The following GRID1 variants were observed in gnomAD, a reference collection of about 807,000 sequenced individuals.
GRID1 encodes glutamate ionotropic receptor delta type subunit 1.
Under a neutral mutation model 98.0 loss-of-function variants are expected in GRID1, and 28 were observed. The ratio of observed to expected loss-of-function variants is 0.29; its 90% CI spans 0.21 to 0.39. The LOEUF (loss-of-function observed/expected upper bound fraction) is 0.39, where lower values mean the gene tolerates loss of function less well. Among genes scored for constraint, GRID1 ranks in the 10% least tolerant of loss-of-function variants. The pLI is 1.00. For synonymous variants in GRID1, 553 were observed against 538.5 expected (o/e 1.03, Z -0.37); for missense variants, 1,111 against 1,340.5 (o/e 0.83, Z 2.67).
intron 4 of GRID1, among the ~76,000 whole-genome samples, chr10:86,045,394 C>T (rs1843408859): frequency 6.6e-6 from 1 of 152,170 alleles, no homozygotes; most frequent in African/African-American, 2.4e-5. Flanking sequence ...AATGGACATA[C>T]AATGTGTCGA....
At chr10:85,726,340 A>G (rs188750437) in intron 10 of GRID1, among the ~76,000 whole-genome samples, 4 of 152,292 alleles carry the variant, frequency 2.6e-5, no homozygotes, top group Non-Finnish European at 5.9e-5. Flanking sequence ...AGCCCAACAA[A>G]GGACAAGTTA....
intron 4 of GRID1, among the ~76,000 whole-genome samples, chr10:85,964,958 C>A (rs1842317772): frequency 6.6e-6 from 1 of 152,040 alleles, no homozygotes; most frequent in Non-Finnish European, 1.5e-5. Flanking sequence ...AAAACAACCC[C>A]ATCAAAAAGT....
chr10:85,951,950 C>T (rs2131844060), intron 4 of GRID1, among the ~76,000 whole-genome samples: 1 of 152,356 alleles, frequency 6.6e-6, no homozygotes, highest in African/African-American at 2.4e-5. Context: ...CATCCTCCAT[C>T]CCATCTCCCT....
intron 4 of GRID1, among the ~76,000 whole-genome samples, chr10:86,126,332 G>A (rs919603186): frequency 6.6e-6 from 1 of 152,220 alleles, no homozygotes; most frequent in Non-Finnish European, 1.5e-5. Context: ...GCACGCGCCT[G>A]TAATCCCAGC....
intron 2 of GRID1, among the ~76,000 whole-genome samples, chr10:86,299,197 C>CTTTT (rs58078110): frequency 7.1e-5 from 10 of 141,760 alleles, no homozygotes; most frequent in African/African-American, 7.9e-5. Context: ...AATAAGATTT[C>CTTTT]TTTTTTTTTT....
At chr10:85,887,806 T>C (rs1841138092) in intron 5 of GRID1, among the ~76,000 whole-genome samples, 1 of 152,186 alleles carries the variant, frequency 6.6e-6, no homozygotes. Context: ...TAGGATACAA[T>C]GTGTCTAGCC....
chr10:86,284,362 C>T (rs1159063476), intron 2 of GRID1, among the ~76,000 whole-genome samples: 1 of 152,186 alleles, frequency 6.6e-6, no homozygotes, highest in Non-Finnish European at 1.5e-5. Flanking sequence ...AATGGAGGCT[C>T]CTCTAGCAGC....
chr10:85,795,166 G>A (rs543756640), intron 8 of GRID1, among the ~76,000 whole-genome samples: 9 of 152,034 alleles, frequency 5.9e-5, no homozygotes, highest in Non-Finnish European at 8.8e-5. Flanking sequence ...GGACAGCCTC[G>A]CCACTCTGAA....
chr10:86,287,903 C>A (rs973669769), intron 2 of GRID1, among the ~76,000 whole-genome samples: 1 of 151,834 alleles, frequency 6.6e-6, no homozygotes, highest in Non-Finnish European at 1.5e-5. Flanking sequence ...GATGTACCCA[C>A]AAGACTCCAG....
chr10:86,136,920 T>C (rs1844935181), intron 4 of GRID1, among the ~76,000 whole-genome samples: 1 of 152,158 alleles, frequency 6.6e-6, no homozygotes, highest in Non-Finnish European at 1.5e-5. Context: ...GATTCCCATG[T>C]AACAAATCTG....
chr10:86,092,779 A>G (rs1844167747), intron 4 of GRID1, among the ~76,000 whole-genome samples: 1 of 152,208 alleles, frequency 6.6e-6, no homozygotes, highest in Admixed American at 6.5e-5. Flanking sequence ...CAGCAACACA[A>G]TAATAGTGGT....
At chr10:86,354,600 G>A (rs773096687) in intron 2 of GRID1, among the ~76,000 whole-genome samples, 11 of 152,248 alleles carry the variant, frequency 7.2e-5, no homozygotes, top group African/African-American at 2.7e-4. Context: ...GTCAGAGAGG[G>A]AATGCGATCT....
At chr10:85,663,017 T>A (rs967229519) in intron 12 of GRID1, among the ~76,000 whole-genome samples, 4 of 152,110 alleles carry the variant, frequency 2.6e-5, no homozygotes, top group African/African-American at 9.7e-5. Flanking sequence ...CATGGAACAG[T>A]TCTCCTTCCT....
At chr10:86,073,906 G>C (rs1843840636) in intron 4 of GRID1, among the ~76,000 whole-genome samples, 1 of 152,138 alleles carries the variant, frequency 6.6e-6, no homozygotes, top group Non-Finnish European at 1.5e-5. Flanking sequence ...CAGGCGCTCT[G>C]GTTTTAAACA....
intron 12 of GRID1, among the ~76,000 whole-genome samples, chr10:85,702,169 C>A (rs1841458943): frequency 6.6e-6 from 1 of 151,944 alleles, no homozygotes; most frequent in African/African-American, 2.4e-5. Context: ...ACAGCAAGGA[C>A]TCTTTATAAC....
intron 5 of GRID1, among the ~76,000 whole-genome samples, chr10:85,900,081 C>A (rs1448281990): frequency 6.6e-6 from 1 of 152,226 alleles, no homozygotes; most frequent in African/African-American, 2.4e-5. Flanking sequence ...TCAAACATCC[C>A]TTAAGACACT....
chr10:86,247,912 A>G (rs117098074), intron 2 of GRID1, among the ~76,000 whole-genome samples: 1 of 152,144 alleles, frequency 6.6e-6, no homozygotes, highest in African/African-American at 2.4e-5. Flanking sequence ...CTGAACACCA[A>G]ACATGTGTTG....
chr10:85,891,177 T>C (rs1389453649), intron 5 of GRID1, among the ~76,000 whole-genome samples: 1 of 152,202 alleles, frequency 6.6e-6, no homozygotes, highest in Non-Finnish European at 1.5e-5. Context: ...ATGTTTCACA[T>C]TAACACCTCA....
chr10:86,179,397 G>A (rs758696923), intron 3 of GRID1, among the ~76,000 whole-genome samples: 1 of 152,146 alleles, frequency 6.6e-6, no homozygotes, highest in Non-Finnish European at 1.5e-5. Context: ...CCGATGGCGT[G>A]CCAGGCAGCT....
Sources: allele counts gnomAD v4.1 joint callset (sites outside exome capture counted in the v4.1 genomes callset), GRCh38; gene constraint gnomAD v4.1.1; transcripts MANE v1.5; gene names NCBI Gene and HGNC (gene_info 2026-07-23, HGNC 2026-07-21).